The following BTG4 variants were observed in gnomAD, a reference collection of about 807,000 sequenced individuals.
BTG4 encodes BTG anti-proliferation factor 4, also known as protein BTG4.
Under a neutral mutation model 19.3 loss-of-function variants are expected in BTG4, and 10 were observed. That is an observed-to-expected ratio of 0.52 (90% CI 0.32 to 0.88). BTG4 has a LOEUF of 0.88. Ranked by LOEUF, BTG4 falls within the 40% of genes least tolerant of loss-of-function variation. BTG4 has a pLI of 0.04. For missense variants in BTG4, 238 were observed against 281.9 expected, an observed-to-expected ratio of 0.84 and a Z score of 1.11; for synonymous variants, 91 against 95.7, an observed-to-expected ratio of 0.95 and a Z score of 0.29.
chr11:111,504,359 T>C (rs1239794194), intron 1 of BTG4, among the ~76,000 whole-genome samples: 2 of 152,106 alleles, frequency 1.3e-5, no homozygotes, highest in African/African-American at 2.4e-5. Context: ...TCTACAGCCA[T>C]ACAATGTTGA....
At chr11:111,422,289 G>C in the BTG4 span, among the ~76,000 whole-genome samples, 1 of 152,142 alleles carries the variant, frequency 6.6e-6, no homozygotes, top group Non-Finnish European at 1.5e-5. Context: ...ATTGATCATA[G>C]AGGTCCCCAG....
At chr11:111,498,941 T>C in intron 1 of BTG4, 139 bp from the exon 2 acceptor site, 1 of 588,578 alleles carries the variant, frequency 1.7e-6, no homozygotes, top group East Asian at 3.0e-5. Flanking sequence ...CTTAGTAAAC[T>C]AGGTAAGTAC....
the BTG4 span, chr11:111,455,103 C>T: frequency 1.1e-5 from 5 of 454,404 alleles, no homozygotes; most frequent in South Asian, 3.1e-5. Flanking sequence ...GCTTGGTTCA[C>T]GCCTTCCTCT....
chr11:111,501,713 T>C (rs144735159), intron 1 of BTG4, among the ~76,000 whole-genome samples: 142 of 152,326 alleles, frequency 9.3e-4, no homozygotes, highest in Non-Finnish European at 1.8e-3. Flanking sequence ...AGGTAATGGA[T>C]ATCCCAATTA....
chr11:111,406,395 C>T, the BTG4 span, among the ~76,000 whole-genome samples: 37 of 152,348 alleles, frequency 2.4e-4, no homozygotes, highest in African/African-American at 7.9e-4. Flanking sequence ...GGATAGGATA[C>T]AGAGCACCAT....
chr11:111,513,722 T>C (rs1867110479), upstream of BTG4, among the ~76,000 whole-genome samples: 3 of 152,212 alleles, frequency 2.0e-5, no homozygotes, highest in Admixed American at 1.3e-4. Flanking sequence ...TTCAGGCTCT[T>C]AACCAAAATT....
chr11:111,513,421 A>G (rs911835320), upstream of BTG4: 1 of 534,318 alleles, frequency 1.9e-6, no homozygotes, highest in African/African-American at 1.9e-5. Flanking sequence ...CCAACTTGAG[A>G]CTGCAATTTT....
the BTG4 span, among the ~76,000 whole-genome samples, chr11:111,413,409 C>T: frequency 6.6e-6 from 1 of 152,270 alleles, no homozygotes; most frequent in Non-Finnish European, 1.5e-5. Flanking sequence ...ACTGCTTTGG[C>T]ATGGGCCTTG....
chr11:111,419,889 G>A, the BTG4 span, among the ~76,000 whole-genome samples: 1 of 152,214 alleles, frequency 6.6e-6, no homozygotes, highest in East Asian at 1.9e-4. Flanking sequence ...GTGCCATATT[G>A]GAAAAAGAGT....
chr11:111,437,236 C>A, the BTG4 span, among the ~76,000 whole-genome samples: 1 of 152,004 alleles, frequency 6.6e-6, no homozygotes, highest in African/African-American at 2.4e-5. Flanking sequence ...CCCTCAGAGC[C>A]CAGAGACCCC....
chr11:111,384,006 T>A, the BTG4 span, among the ~76,000 whole-genome samples: 158 of 152,310 alleles, frequency 1.0e-3, 1 homozygote, highest in African/African-American at 3.7e-3. Context: ...GGCATCTTGT[T>A]TTTTATATAA....
the BTG4 span, chr11:111,450,513 T>C: frequency 6.6e-6 from 1 of 152,488 alleles, no homozygotes; most frequent in Non-Finnish European, 1.5e-5. Context: ...ATGCAAGCCT[T>C]GTCCTTACCA....
the BTG4 span, among the ~76,000 whole-genome samples, chr11:111,384,441 G>T: frequency 6.6e-6 from 1 of 152,072 alleles, no homozygotes. Flanking sequence ...CATTCTAAAA[G>T]CTTACTAAGA....
intron 5 of BTG4, among the ~76,000 whole-genome samples, chr11:111,488,983 T>C (rs1329478650): frequency 6.6e-5 from 10 of 151,902 alleles, no homozygotes; most frequent in Admixed American, 5.9e-4. Context: ...CCATCTCTAC[T>C]AAAAATACAA....
downstream of BTG4, chr11:111,467,489 C>G (rs375513284): frequency 1.2e-4 from 64 of 518,942 alleles, no homozygotes; most frequent in South Asian, 1.7e-3. Flanking sequence ...GCTGATGCCA[C>G]GTAGCTGAGA....
intron 1 of BTG4, among the ~76,000 whole-genome samples, chr11:111,503,356 C>G (rs1866219702): frequency 6.6e-6 from 1 of 152,200 alleles, no homozygotes; most frequent in African/African-American, 2.4e-5. Context: ...GACAAGATGT[C>G]AGAATTTAGC....
chr11:111,481,148 A>G (rs1231597411), intron 5 of BTG4, among the ~76,000 whole-genome samples: 1 of 151,966 alleles, frequency 6.6e-6, no homozygotes, highest in African/African-American at 2.4e-5. Context: ...GATAATAAGG[A>G]AACACTATAA....
At chr11:111,466,183 T>TG (rs1863709173), downstream of BTG4, among the ~76,000 whole-genome samples, 1 of 152,210 alleles carries the variant, frequency 6.6e-6, no homozygotes, top group African/African-American at 2.4e-5. Flanking sequence ...GTGACTTTCT[T>TG]GGGGTCTTAT....
At chr11:111,445,794 C>A in the BTG4 span, among the ~76,000 whole-genome samples, 1 of 152,140 alleles carries the variant, frequency 6.6e-6, no homozygotes, top group African/African-American at 2.4e-5. Flanking sequence ...CAGGACAAGA[C>A]ACTTCCTCCC....
Sources: gnomAD v4.1 joint callset for allele counts (sites outside exome capture counted in the v4.1 genomes callset) on GRCh38, gnomAD v4.1.1 for gene constraint, MANE v1.5 for transcripts, NCBI Gene and HGNC (gene_info 2026-07-23, HGNC 2026-07-21) for gene names.